Variants in IP6K1 observed in about 807,000 individuals in gnomAD.
IP6K1 encodes ATP:1D-myo-inositol-hexakisphosphate phosphotransferase.
IP6K1 carries 13 observed loss-of-function variants against 38.3 expected under a neutral mutation model. The observed-to-expected ratio is 0.34, with a 90% confidence interval of 0.22 to 0.54. The LOEUF (loss-of-function observed/expected upper bound fraction) is 0.54, where lower values mean the gene tolerates loss of function less well. Among genes scored for constraint, IP6K1 ranks in the 20% least tolerant of loss-of-function variants. The probability of loss-of-function intolerance (pLI) is 0.92; values close to 1 mark genes in which losing one functional copy is unlikely to be tolerated. For missense variants in IP6K1, 397 were observed against 599.8 expected (o/e 0.66, Z 3.53); for synonymous variants, 212 against 229.9 (o/e 0.92, Z 0.70).
At chr3:49,767,438 G>C (rs2080921193) in intron 1 of IP6K1, among the ~76,000 whole-genome samples, 1 of 152,024 alleles carries the variant, frequency 6.6e-6, no homozygotes, top group South Asian at 2.1e-4. Flanking sequence ...AAAGTAGCCA[G>C]TTGTGGTGGC....
chr3:49,753,127 ACCC>A (rs1221494726), intron 1 of IP6K1, among the ~76,000 whole-genome samples: 1 of 150,546 alleles, frequency 6.6e-6, no homozygotes, highest in Non-Finnish European at 1.5e-5. Flanking sequence ...ATTCCTTCCC[ACCC>A]CCATTTTCTC....
chr3:49,733,593 C>A (rs1374025137), intron 3 of IP6K1, among the ~76,000 whole-genome samples: 1 of 152,152 alleles, frequency 6.6e-6, no homozygotes, highest in Non-Finnish European at 1.5e-5. Context: ...AATGAAATTC[C>A]TATACATGCT....
intron 3 of IP6K1, among the ~76,000 whole-genome samples, chr3:49,737,071 CTTTTT>C (rs527723899): frequency 8.8e-6 from 1 of 113,032 alleles, no homozygotes; most frequent in Non-Finnish European, 1.8e-5. Flanking sequence ...CAAGCCTGGC[CTTTTT>C]TTTTTTTTTT....
At chr3:49,780,400 G>A (rs1559717384) in intron 1 of IP6K1, among the ~76,000 whole-genome samples, 2 of 145,788 alleles carry the variant, frequency 1.4e-5, no homozygotes, top group South Asian at 2.2e-4. Flanking sequence ...TAGGAGAAAT[G>A]AAAACCTATA....
intron 1 of IP6K1, chr3:49,786,038 T>G (rs2081109933): frequency 6.6e-6 from 1 of 152,264 alleles, no homozygotes; most frequent in Admixed American, 6.5e-5. Context: ...CAGGAGAGCA[T>G]CAGGGTGGCA....
intron 1 of IP6K1, among the ~76,000 whole-genome samples, chr3:49,751,562 T>C (rs1455612783): frequency 1.3e-5 from 2 of 152,102 alleles, no homozygotes; most frequent in African/African-American, 4.8e-5. Context: ...GATGATGATG[T>C]TGGTTGCCTG....
At chr3:49,772,096 G>A (rs2080964801) in intron 1 of IP6K1, among the ~76,000 whole-genome samples, 1 of 151,706 alleles carries the variant, frequency 6.6e-6, no homozygotes, top group Admixed American at 6.6e-5. Context: ...TGTAGTCCCA[G>A]CTACTTGGGA....
At chr3:49,776,903 G>T (rs981967874) in intron 1 of IP6K1, among the ~76,000 whole-genome samples, 1 of 152,168 alleles carries the variant, frequency 6.6e-6, no homozygotes, top group Non-Finnish European at 1.5e-5. Context: ...GGGGTTGACT[G>T]GAAAGGGAAA....
intron 1 of IP6K1, among the ~76,000 whole-genome samples, chr3:49,757,221 T>C (rs1291549408): frequency 6.6e-6 from 1 of 152,208 alleles, no homozygotes; most frequent in Non-Finnish European, 1.5e-5. Flanking sequence ...AAGCCTGGTC[T>C]CACACATTAG....
intron 1 of IP6K1, among the ~76,000 whole-genome samples, chr3:49,761,493 A>G (rs573554215): frequency 1.6e-3 from 246 of 151,608 alleles, no homozygotes; most frequent in Non-Finnish European, 2.8e-3. Flanking sequence ...AGGCACCTGT[A>G]GTCCCAGCTA....
At chr3:49,731,886 T>TA (rs2080564783) in intron 4 of IP6K1, among the ~76,000 whole-genome samples, 2 of 21,382 alleles carry the variant, frequency 9.4e-5, no homozygotes, top group Non-Finnish European at 2.0e-4. Flanking sequence ...AGACTCTGTC[T>TA]CAAAAAAAAA....
At chr3:49,740,804 T>C (rs1257946448) in intron 2 of IP6K1, among the ~76,000 whole-genome samples, 1 of 152,174 alleles carries the variant, frequency 6.6e-6, no homozygotes, top group Non-Finnish European at 1.5e-5. Flanking sequence ...AATGATGCTG[T>C]TGTGAACACT....
At chr3:49,748,815 A>T (rs1006282713) in intron 1 of IP6K1, 1 of 152,314 alleles carries the variant, frequency 6.6e-6, no homozygotes, top group African/African-American at 2.4e-5. Context: ...TTTATTGTAC[A>T]TTGTATTTCT....
intron 1 of IP6K1, among the ~76,000 whole-genome samples, chr3:49,751,029 C>T (rs1167763618): frequency 6.6e-6 from 1 of 152,160 alleles, no homozygotes; most frequent in Admixed American, 6.5e-5. Context: ...CCTCATAAGT[C>T]ACTTAACTTC....
chr3:49,753,439 T>G (rs2108242639), intron 1 of IP6K1, among the ~76,000 whole-genome samples: 1 of 152,302 alleles, frequency 6.6e-6, no homozygotes, highest in African/African-American at 2.4e-5. Flanking sequence ...CTCTTCTTTT[T>G]CTTTTCTTCA....
At chr3:49,751,156 TTTGTTG>T (rs58963057) in intron 1 of IP6K1, among the ~76,000 whole-genome samples, 5 of 148,992 alleles carry the variant, frequency 3.4e-5, no homozygotes, top group South Asian at 4.3e-4. Context: ...TCCTTTTTTT[TTTGTTG>T]TTGTTGTTGT....
intron 4 of IP6K1, among the ~76,000 whole-genome samples, chr3:49,730,145 G>A (rs1157397385): frequency 6.6e-6 from 1 of 152,014 alleles, no homozygotes; most frequent in Admixed American, 6.5e-5. Context: ...TGCCCACCTC[G>A]GCCTCCCAAA....
At position 49,724,312 on chromosome 3, in the gene IP6K1, A is replaced by AT. The variant is rs2108214801; in HGVS notation, c.*2809dup. The AT allele has an allele frequency of 6.6e-6, 1 of 152,514 alleles. No homozygotes were observed. The highest frequency in any genetic ancestry group is 1.9e-4 in the East Asian group (1 of 5,184). The allele number at this position is 152,514 out of a possible 1,614,324, so 9.4% of individuals were successfully genotyped here. ...ACTCGCCTCCGTTTCTAGCGGCTTT[A>AT]TTTTTGACATACACGACCTCAGACA... On this transcript the variant is annotated 3_prime_UTR_variant, in exon 6 of 6. Coordinates refer to ENST00000321599, the MANE Select transcript of IP6K1 (RefSeq NM_153273.4).
chr3:49,731,902 A>AAAAAAAAAAAAAAAAAAAAAAAAG (rs2080565863), intron 4 of IP6K1, among the ~76,000 whole-genome samples: 1 of 149,466 alleles, frequency 6.7e-6, no homozygotes, highest in Non-Finnish European at 1.5e-5. Flanking sequence ...AAAAAAAAAA[A>AAAAAAAAAAAAAAAAAAAAAAAAG]AAAGGAATTC....
Sources: gnomAD v4.1 joint callset for allele counts (sites outside exome capture counted in the v4.1 genomes callset) on GRCh38, gnomAD v4.1.1 for gene constraint, MANE v1.5 for transcripts, NCBI Gene and HGNC (gene_info 2026-07-23, HGNC 2026-07-21) for gene names.